The following EEF1AKMT1 variants were observed in gnomAD, a reference collection of about 807,000 sequenced individuals.
EEF1AKMT1 encodes the protein N-6 adenine-specific DNA methyltransferase 2 (putative).
Under a neutral mutation model 21.0 loss-of-function variants are expected in EEF1AKMT1, and 18 were observed. The ratio of observed to expected loss-of-function variants is 0.86; its 90% CI spans 0.59 to 1.27. EEF1AKMT1 has a LOEUF of 1.27. Among genes scored for constraint, EEF1AKMT1 ranks in the 50% most tolerant of loss-of-function variants. The pLI, the probability that EEF1AKMT1 is intolerant of heterozygous loss-of-function variation, is 0.00. For missense variants in EEF1AKMT1, 246 were observed against 258.6 expected (o/e 0.95, Z 0.33); for synonymous variants, 109 against 94.8 (o/e 1.15, Z -0.87).
At chr13:20,738,156 T>C (rs1196933596) in intron 2 of EEF1AKMT1, among the ~76,000 whole-genome samples, 2 of 152,160 alleles carry the variant, frequency 1.3e-5, no homozygotes, top group African/African-American at 2.4e-5. Flanking sequence ...TGATTAAGCT[T>C]CTAGGTTCAA....
At chr13:20,757,665 C>A in intron 1 of EEF1AKMT1, 48 bp from the exon 2 acceptor site, 1 of 1,446,828 alleles carries the variant, frequency 6.9e-7, no homozygotes, top group Non-Finnish European at 9.3e-7. Flanking sequence ...TTTCCCCTTC[C>A]CAGCCAGTAA....
At chr13:20,754,068 G>A (rs769116373) in intron 2 of EEF1AKMT1, among the ~76,000 whole-genome samples, 6 of 151,852 alleles carry the variant, frequency 4.0e-5, no homozygotes, top group Non-Finnish European at 7.4e-5. Flanking sequence ...TTTACCAGTG[G>A]GTTTTATACT....
chr13:20,734,455 G>GT (rs1285708732), intron 3 of EEF1AKMT1, among the ~76,000 whole-genome samples: 5 of 152,324 alleles, frequency 3.3e-5, no homozygotes, highest in African/African-American at 9.6e-5. Context: ...ACTAGAGCGT[G>GT]TAAGAGGAAC....
At chr13:20,730,529 A>G (rs2772174) in intron 4 of EEF1AKMT1, among the ~76,000 whole-genome samples, 68,345 of 151,962 alleles carry the variant, frequency 0.45, 17,183 homozygotes, top group East Asian at 0.76. Context: ...CTTTGAGACA[A>G]TCTTGCTCCC....
At chr13:20,746,076 G>A (rs919312081) in intron 2 of EEF1AKMT1, among the ~76,000 whole-genome samples, 2 of 151,578 alleles carry the variant, frequency 1.3e-5, no homozygotes, top group Admixed American at 6.6e-5. Context: ...ATAAGTCCAC[G>A]TTTAAAATAT....
chr13:20,757,572 T>A lies in EEF1AKMT1; in HGVS notation c.27A>T (p.Thr9=), dbSNP rs773395078. The part of the protein sequence containing the change: MSDLEDDE[T]PQLSAHALAA... ...CTAAGGCATGGGCAGAAAGCTGGGG[T>A]GTCTCATCATCTTCCAAATCACTCA... The change falls in exon 2 of 5, where the codon ACA becomes ACT. Residue 9 remains threonine, a synonymous_variant. Coordinates refer to ENST00000382758, the MANE Select transcript of EEF1AKMT1 (RefSeq NM_001318939.2). 16 of 1,613,900 alleles carry A rather than the reference T, an allele frequency of 9.9e-6. No individual in the cohort carries two copies. Among genetic ancestry groups the A allele is most frequent in the Non-Finnish European group, 1.4e-5 (16 of 1,179,852 alleles).
chr13:20,748,360 A>AGG (rs1276921377), intron 2 of EEF1AKMT1, among the ~76,000 whole-genome samples: 1 of 151,652 alleles, frequency 6.6e-6, no homozygotes, highest in East Asian at 1.9e-4. Context: ...GCGTGAACCC[A>AGG]GGAGGCGGAG....
At chr13:20,762,354 A>T (rs1027604843) in intron 1 of EEF1AKMT1, among the ~76,000 whole-genome samples, 7 of 150,218 alleles carry the variant, frequency 4.7e-5, no homozygotes, top group African/African-American at 1.7e-4. Context: ...GCCCAGCTAA[A>T]TTTTTTTGCA....
chr13:20,740,021 A>G (rs966474407), intron 2 of EEF1AKMT1, among the ~76,000 whole-genome samples: 19 of 152,206 alleles, frequency 1.2e-4, no homozygotes, highest in Middle Eastern at 3.2e-3. Flanking sequence ...GCGGGAGCCC[A>G]TGGTGGGGGA....
At chr13:20,753,027 T>TA (rs1346228348) in intron 2 of EEF1AKMT1, among the ~76,000 whole-genome samples, 2 of 152,126 alleles carry the variant, frequency 1.3e-5, no homozygotes, top group African/African-American at 4.8e-5. Context: ...GGTGCATTGT[T>TA]AGATTATTTA....
chr13:20,763,291 C>G (rs2059010458), intron 1 of EEF1AKMT1, among the ~76,000 whole-genome samples: 1 of 152,020 alleles, frequency 6.6e-6, no homozygotes, highest in Non-Finnish European at 1.5e-5. Flanking sequence ...CCACCCCCCT[C>G]CCACCCTGCA....
intron 1 of EEF1AKMT1, among the ~76,000 whole-genome samples, chr13:20,760,000 G>T (rs1007559012): frequency 1.1e-4 from 16 of 151,180 alleles, no homozygotes; most frequent in South Asian, 2.1e-4. Flanking sequence ...AGCTACTCGG[G>T]AGGCTGAGGC....
intron 1 of EEF1AKMT1, among the ~76,000 whole-genome samples, chr13:20,769,743 T>C (rs1336547121): frequency 6.6e-6 from 1 of 150,640 alleles, no homozygotes; most frequent in African/African-American, 2.4e-5. Flanking sequence ...TTTTTCAACA[T>C]AAAAATTACA....
chr13:20,735,332 C>CT (rs397715501), intron 3 of EEF1AKMT1, among the ~76,000 whole-genome samples: 2 of 151,870 alleles, frequency 1.3e-5, no homozygotes, highest in South Asian at 2.1e-4. Context: ...GCCTGCCCCC[C>CT]ACCATGACTG....
At chr13:20,731,007 G>A (rs535678818) in intron 4 of EEF1AKMT1, among the ~76,000 whole-genome samples, 25 of 152,292 alleles carry the variant, frequency 1.6e-4, no homozygotes, top group Non-Finnish European at 3.1e-4. Flanking sequence ...GAACCCACCA[G>A]GAAGAAAAAA....
At chr13:20,748,232 T>C (rs2058918542) in intron 2 of EEF1AKMT1, among the ~76,000 whole-genome samples, 1 of 152,070 alleles carries the variant, frequency 6.6e-6, no homozygotes, top group African/African-American at 2.4e-5. Context: ...GTCAGGAGAT[T>C]GAGACCATCT....
intron 1 of EEF1AKMT1, among the ~76,000 whole-genome samples, chr13:20,760,249 C>T (rs1214453920): frequency 6.6e-6 from 1 of 152,008 alleles, no homozygotes; most frequent in East Asian, 1.9e-4. Context: ...CTGTTTATTG[C>T]AGGACTATTC....
At chr13:20,767,980 TGA>T (rs1454831930) in intron 1 of EEF1AKMT1, among the ~76,000 whole-genome samples, 1 of 152,248 alleles carries the variant, frequency 6.6e-6, no homozygotes, top group East Asian at 1.9e-4. Context: ...AAAAGTTACA[TGA>T]GTCTTTATTT....
chr13:20,743,499 C>T (rs2058884334), intron 2 of EEF1AKMT1, among the ~76,000 whole-genome samples: 1 of 151,344 alleles, frequency 6.6e-6, no homozygotes, highest in Non-Finnish European at 1.5e-5. Context: ...GTCACTTTCT[C>T]TCAGTGGGTT....
Sources: gnomAD v4.1 joint callset for allele counts (sites outside exome capture counted in the v4.1 genomes callset) on GRCh38, gnomAD v4.1.1 for gene constraint, MANE v1.5 for transcripts, NCBI Gene and HGNC (gene_info 2026-07-23, HGNC 2026-07-21) for gene names.